ABCA12: variants seen among roughly 807,000 people sequenced by gnomAD.
ABCA12 encodes glucosylceramide transporter ABCA12.
A neutral mutation model predicts 293.5 loss-of-function variants in ABCA12; 156 were observed. That is an observed-to-expected ratio of 0.53 (90% CI 0.47 to 0.61). The LOEUF (loss-of-function observed/expected upper bound fraction) is 0.61. ABCA12 is among the 20% of genes least tolerant of loss of function. ABCA12 has a pLI of 0.00. For missense variants in ABCA12, 2,797 were observed against 3,090.2 expected (o/e 0.91, Z 2.25); for synonymous variants, 1,063 against 1,108.0 (o/e 0.96, Z 0.81).
At chr2:215,135,452 G>C (rs1703204983) in intron 1 of ABCA12, among the ~76,000 whole-genome samples, 1 of 151,974 alleles carries the variant, frequency 6.6e-6, no homozygotes, top group African/African-American at 2.4e-5. Context: ...AAAAATATTA[G>C]GCAAAGTTGT....
intron 2 of ABCA12, among the ~76,000 whole-genome samples, chr2:215,084,999 C>T (rs1353423427): frequency 6.8e-6 from 1 of 146,636 alleles, no homozygotes; most frequent in Non-Finnish European, 1.5e-5. Context: ...GAGGCTGAGG[C>T]AGAAGAGTGG....
At chr2:215,031,697 C>T in intron 9 of ABCA12, 124 bp downstream of exon 9, 2 of 1,169,778 alleles carry the variant, frequency 1.7e-6, no homozygotes, top group Non-Finnish European at 1.3e-6. Flanking sequence ...TTCCTCTGCT[C>T]AGTCAATAGT....
intron 1 of ABCA12, among the ~76,000 whole-genome samples, chr2:215,126,324 G>A (rs1702921504): frequency 6.6e-6 from 1 of 151,894 alleles, no homozygotes; most frequent in Non-Finnish European, 1.5e-5. Context: ...TGAATTAGGG[G>A]GTGGGGGTTC....
Position 214,989,725 on chromosome 2 carries a change from T to C in ABCA12, c.3625-104A>G, listed in dbSNP as rs1443565036. The C allele has an allele frequency of 5.9e-6, 7 of 1,187,862 alleles. No individual in the cohort carries two copies. In the African/African-American group the frequency reaches 7.7e-5, roughly 13 times the overall value. 73.6% of individuals were successfully genotyped at this position (1,187,862 alleles called of 1,614,324 possible). On this transcript the variant is annotated intron_variant, in intron 24 of 52. Coordinates refer to ENST00000272895, the MANE Select transcript of ABCA12 (RefSeq NM_173076.3). ...ACTTTGGACATTTGTATAGATAAAA[T>C]TGATGCTCATTCTCTAAGCATATTT...
Position 214,980,663 on chromosome 2 carries a change from AC to A in ABCA12, c.4580-21del. The A allele has an allele frequency of 6.2e-7, 1 of 1,613,984 alleles. No homozygotes were observed. Among genetic ancestry groups the A allele is most frequent in the Non-Finnish European group, 8.5e-7 (1 of 1,179,900 alleles). On this transcript the variant is annotated intron_variant, in intron 30 of 52. Coordinates refer to ENST00000272895, the MANE Select transcript of ABCA12 (RefSeq NM_173076.3). The stretch of plus-strand genomic sequence containing the variant: ...TTCTGGCTTGAAAATACAGACAAGA[AC>A]AACAGGGAATGAAACGTGAAAGTAC...
chr2:215,027,095 A>G (rs907221354), intron 9 of ABCA12, among the ~76,000 whole-genome samples, 157 bp from the exon 10 acceptor site: 1 of 152,250 alleles, frequency 6.6e-6, no homozygotes, highest in Non-Finnish European at 1.5e-5. Flanking sequence ...CTGTAATCCT[A>G]GCACTTCGGG....
At chr2:215,127,727 G>A (rs1702957998) in intron 1 of ABCA12, among the ~76,000 whole-genome samples, 1 of 152,226 alleles carries the variant, frequency 6.6e-6, no homozygotes, top group Non-Finnish European at 1.5e-5. Context: ...AGATGTTGGT[G>A]AGTTGTTATC....
At chr2:215,026,977 A>G (rs750928333) in intron 9 of ABCA12, 39 bp from the exon 10 acceptor site, 1 of 1,438,520 alleles carries the variant, frequency 7.0e-7, no homozygotes, top group Admixed American at 1.7e-5. Flanking sequence ...TAAGACATAT[A>G]AAAGTAAAGC....
intron 2 of ABCA12, among the ~76,000 whole-genome samples, chr2:215,108,397 G>A (rs138728190): frequency 6.6e-6 from 1 of 152,276 alleles, no homozygotes; most frequent in East Asian, 1.9e-4. Flanking sequence ...ATGATGCAAT[G>A]TGAAAAATTA....
intron 7 of ABCA12, among the ~76,000 whole-genome samples, chr2:215,040,111 G>A (rs1384545985): frequency 2.6e-5 from 4 of 152,016 alleles, no homozygotes; most frequent in East Asian, 1.9e-4. Context: ...AGTTAGTAAC[G>A]TTACACATTC....
rs551901067 is a variant in ABCA12, at chr2:215,026,168, G to C, written c.1181-389C>G. ...GATTAATTCATACCTTGTAAACAAAGTCTGGACTTAAATATTTGTTGTGCT... is the reference window on the plus strand; with the variant it reads ...GATTAATTCATACCTTGTAAACAAACTCTGGACTTAAATATTTGTTGTGCT... On this transcript the variant is annotated intron_variant, in intron 10 of 52. Transcript: ENST00000272895. 2.2e-3 allele frequency among the ~76,000 whole-genome samples: 334 copies of C among 152,226 alleles called. 1 individual carries two copies. Among genetic ancestry groups the C allele is most frequent in the Non-Finnish European group, 3.8e-3 (261 of 68,008 alleles).
At position 214,978,435 on chromosome 2, in the gene ABCA12, T is replaced by C. The variant is rs1001567663; in HGVS notation, c.5009A>G (p.Lys1670Arg). Residue 1670 changes from lysine to arginine, a missense_variant, in exon 33 of 53, where the codon AAA becomes AGA. Coordinates refer to ENST00000272895, the MANE Select transcript of ABCA12 (RefSeq NM_173076.3). The part of the protein sequence containing the change: ...VFLNLTKESQ[K>R]NSAMSLEHLT... ...GTGCTCAAGACTCATAGCACTATTT[T>C]TTTGTGACTCTTTGGTCAAGTTCAG... 6.2e-7 allele frequency: 1 copy of C among 1,613,772 alleles called. No homozygotes were observed. Among genetic ancestry groups the C allele is most frequent in the Admixed American group, 1.7e-5 (1 of 60,010 alleles).
chr2:215,013,795 T>C (rs780601553), intron 15 of ABCA12, among the ~76,000 whole-genome samples: 6 of 152,244 alleles, frequency 3.9e-5, no homozygotes, highest in Non-Finnish European at 7.3e-5. Context: ...CATTTCCCTA[T>C]GGGCCAGACA....
At chr2:215,009,183 A>G (rs1188494925) in intron 18 of ABCA12, among the ~76,000 whole-genome samples, 1 of 152,198 alleles carries the variant, frequency 6.6e-6, no homozygotes, top group Non-Finnish European at 1.5e-5. Flanking sequence ...AGAGACAGGG[A>G]TGGAGCTGGA....
chr2:215,056,062 T>C (rs1392780690), intron 3 of ABCA12, among the ~76,000 whole-genome samples: 1 of 151,982 alleles, frequency 6.6e-6, no homozygotes, highest in Non-Finnish European at 1.5e-5. Context: ...AAAAACTGCC[T>C]TCATAAAAAT....
intron 8 of ABCA12, chr2:215,032,581 A>G (rs1206139647): frequency 1.3e-5 from 2 of 152,706 alleles, no homozygotes; most frequent in Non-Finnish European, 2.9e-5. Context: ...AGCCTGCTGC[A>G]TAAGGTTGTA....
At chr2:214,955,099 T>C (rs1395801008) in intron 43 of ABCA12, 103 bp downstream of exon 43, 17 of 1,420,914 alleles carry the variant, frequency 1.2e-5, no homozygotes, top group African/African-American at 2.9e-5. Context: ...CCAAATTTAA[T>C]AGAATCAAAT....
chr2:215,099,261 C>T (rs1380057168), intron 2 of ABCA12, among the ~76,000 whole-genome samples: 1 of 152,230 alleles, frequency 6.6e-6, no homozygotes, highest in African/African-American at 2.4e-5. Context: ...GCCAACGCAC[C>T]AGCCATGTGA....
Position 214,947,127 on chromosome 2 carries a change from G to A in ABCA12, c.7239+295C>T, listed in dbSNP as rs1574930514. Among the ~76,000 whole-genome samples the A allele has an allele frequency of 2.0e-5, 3 of 152,120 alleles. 1 individual carries two copies. The highest frequency in any genetic ancestry group is 3.9e-4 in the East Asian group (2 of 5,194). On this transcript the variant is annotated intron_variant, in intron 48 of 52. Coordinates refer to ENST00000272895, the MANE Select transcript of ABCA12 (RefSeq NM_173076.3). ...ACCATATTCCGTAACTTACTCATTTGAGTACCCTGAATTTGTTTCACTTCC... is the reference window on the plus strand; with the variant it reads ...ACCATATTCCGTAACTTACTCATTTAAGTACCCTGAATTTGTTTCACTTCC...
Sources: allele counts gnomAD v4.1 joint callset (sites outside exome capture counted in the v4.1 genomes callset), GRCh38; gene constraint gnomAD v4.1.1; transcripts MANE v1.5; gene names NCBI Gene and HGNC (gene_info 2026-07-23, HGNC 2026-07-21).